Variants in CDH22 observed in about 807,000 individuals in gnomAD.
The protein encoded by CDH22 is cadherin 22, also known as cadherin-22.
In CDH22, 30 loss-of-function variants were observed where a neutral mutation model predicts 58.4. That is an observed-to-expected ratio of 0.51 (90% confidence interval 0.38 to 0.70). The LOEUF (loss-of-function observed/expected upper bound fraction) is 0.70. Ranked by LOEUF, CDH22 falls within the 30% of genes least tolerant of loss-of-function variation. CDH22 has a pLI of 0.00. For synonymous variants in CDH22, 513 were observed against 558.2 expected, an observed-to-expected ratio of 0.92 and a Z score of 1.14; for missense variants, 1,014 against 1,233.9, an observed-to-expected ratio of 0.82 and a Z score of 2.67.
At position 46,178,310 on chromosome 20, in the gene CDH22, C is replaced by T. The variant is rs1007289870; in HGVS notation, c.1664-113G>A. The T allele has an allele frequency of 6.7e-6, 8 of 1,185,752 alleles. No homozygotes were observed. In the Admixed American group the frequency reaches 1.7e-4, roughly 26 times the overall value. The allele number at this position is 1,185,752 out of a possible 1,614,324, so 73.5% of individuals were successfully genotyped here. On this transcript the variant is annotated intron_variant, in intron 10 of 11. Coordinates refer to ENST00000537909, the MANE Select transcript of CDH22 (RefSeq NM_021248.3). ...TGCCTCCCTATGCCCCAAACTACAG[C>T]CTCCCAATGGACTCATGGGTCTCTT...
At chr20:46,249,431 G>C (rs2086354263) in intron 2 of CDH22, among the ~76,000 whole-genome samples, 1 of 152,170 alleles carries the variant, frequency 6.6e-6, no homozygotes, top group African/African-American at 2.4e-5. Context: ...TCCTTGCTCA[G>C]CTTAATTGTG....
intron 10 of CDH22, among the ~76,000 whole-genome samples, chr20:46,179,705 C>T (rs1476529541): frequency 1.3e-5 from 2 of 152,216 alleles, no homozygotes; most frequent in African/African-American, 4.8e-5. Flanking sequence ...TCAGTTTACC[C>T]ATCTGTAAAC....
chr20:46,200,126 A>G, intron 7 of CDH22, among the ~76,000 whole-genome samples: 1 of 151,914 alleles, frequency 6.6e-6, no homozygotes, highest in Non-Finnish European at 1.5e-5. Context: ...GGTGCCCGCC[A>G]CCACGCCCGG....
At chr20:46,290,479 C>T (rs75364698) in intron 1 of CDH22, among the ~76,000 whole-genome samples, 1,753 of 152,294 alleles carry the variant, frequency 0.012, 38 homozygotes, top group African/African-American at 0.04. Flanking sequence ...GTTGAGAAAC[C>T]CAGCACTGGA....
intron 10 of CDH22, among the ~76,000 whole-genome samples, chr20:46,182,628 G>A (rs2085797836): frequency 6.6e-6 from 1 of 152,148 alleles, no homozygotes; most frequent in Non-Finnish European, 1.5e-5. Flanking sequence ...TGCCCTCCTG[G>A]GCAGCAGCTG....
chr20:46,302,155 G>T (rs572873452), intron 1 of CDH22, among the ~76,000 whole-genome samples: 2 of 152,286 alleles, frequency 1.3e-5, no homozygotes, highest in African/African-American at 4.8e-5. Context: ...CATATGCCAC[G>T]CTAGACCCTA....
At chr20:46,236,254 G>A (rs2086250640) in intron 3 of CDH22, among the ~76,000 whole-genome samples, 1 of 151,962 alleles carries the variant, frequency 6.6e-6, no homozygotes, top group East Asian at 1.9e-4. Flanking sequence ...AGCAATTTGT[G>A]TTTTAACAAG....
chr20:46,194,839 C>T (rs1328452820), intron 8 of CDH22, among the ~76,000 whole-genome samples: 4 of 152,156 alleles, frequency 2.6e-5, no homozygotes, highest in African/African-American at 2.4e-5. Flanking sequence ...AAGCAATTCT[C>T]CTGCCTCAGC....
intron 5 of CDH22, 39 bp from the exon 6 acceptor site, chr20:46,213,227 C>G (rs766819127): frequency 2.5e-6 from 4 of 1,575,222 alleles, no homozygotes; most frequent in Non-Finnish European, 3.5e-6. Context: ...TGAAGGCAGC[C>G]CCTTCCCCAG....
At chr20:46,253,588 T>C (rs1407899793) in intron 1 of CDH22, among the ~76,000 whole-genome samples, 1 of 152,202 alleles carries the variant, frequency 6.6e-6, no homozygotes, top group Non-Finnish European at 1.5e-5. Flanking sequence ...CCGCAAGCCC[T>C]GCTCTGTGCT....
chr20:46,178,260 C>A, intron 10 of CDH22, 63 bp from the exon 11 acceptor site: 1 of 1,562,144 alleles, frequency 6.4e-7, no homozygotes, highest in South Asian at 1.2e-5. Context: ...TTGTCCTAGC[C>A]ACCTCCTGAT....
chr20:46,246,370 T>C (rs557636813), intron 2 of CDH22, among the ~76,000 whole-genome samples: 21 of 152,240 alleles, frequency 1.4e-4, no homozygotes, highest in Non-Finnish European at 2.6e-4. Context: ...ATATCTAAAA[T>C]AGATCTCACC....
At chr20:46,239,994 A>G (rs1358735102) in intron 3 of CDH22, among the ~76,000 whole-genome samples, 1 of 152,024 alleles carries the variant, frequency 6.6e-6, no homozygotes, top group Non-Finnish European at 1.5e-5. Flanking sequence ...TTCACTTTCT[A>G]TGGGCATAAT....
Position 46,251,243 on chromosome 20 carries a change from G to A in CDH22, c.52C>T (p.Pro18Ser), listed in dbSNP as rs1413603140. ...RGLRAGVALS[P>S]ALLLLLLLPP... ...AGCAGCAGCAGCAGCAGTAGCGCGG[G>A]GGACAGCGCGACTCCCGCCCGGAGC... The change falls in exon 2 of 12, where the codon CCC becomes TCC. Residue 18 changes from proline (P) to serine (S), a missense_variant. Transcript: ENST00000537909. The surrounding 1 kb of genome is among the most constrained non-coding windows in gnomAD (Gnocchi z 6.7). 2 of 1,471,122 alleles carry A rather than the reference G, an allele frequency of 1.4e-6. No individual in the cohort carries two copies. The highest frequency in any genetic ancestry group is 1.5e-5 in the African/African-American group (1 of 67,450). The allele number at this position is 1,471,122 out of a possible 1,614,324, so 91.1% of individuals were successfully genotyped here.
chr20:46,262,645 A>G (rs1396463458), intron 1 of CDH22, among the ~76,000 whole-genome samples: 1 of 152,110 alleles, frequency 6.6e-6, no homozygotes, highest in Non-Finnish European at 1.5e-5. Flanking sequence ...CATTTTTCAG[A>G]TAAGGAAACT....
chr20:46,247,427 A>G (rs2066219488), intron 2 of CDH22, among the ~76,000 whole-genome samples: 1 of 152,146 alleles, frequency 6.6e-6, no homozygotes, highest in African/African-American at 2.4e-5. Context: ...ATTCAGAAAC[A>G]AAATTGGGTC....
intron 7 of CDH22, among the ~76,000 whole-genome samples, chr20:46,202,676 C>G (rs952891024): frequency 2.0e-5 from 3 of 152,050 alleles, no homozygotes; most frequent in East Asian, 3.9e-4. Context: ...TTAGCCTGAC[C>G]GACAGCCCAT....
intron 1 of CDH22, among the ~76,000 whole-genome samples, chr20:46,287,728 G>A (rs1003878809): frequency 1.3e-5 from 2 of 152,088 alleles, no homozygotes; most frequent in East Asian, 1.9e-4. Flanking sequence ...GAAAGCTTCC[G>A]AAGCAGAGGA....
At chr20:46,230,534 G>A (rs1199083866) in intron 3 of CDH22, among the ~76,000 whole-genome samples, 2 of 152,098 alleles carry the variant, frequency 1.3e-5, no homozygotes, top group Non-Finnish European at 2.9e-5. Flanking sequence ...AGTGAAGGGT[G>A]AAAACATGAA....
Sources: gnomAD v4.1 joint callset for allele counts (sites outside exome capture counted in the v4.1 genomes callset) on GRCh38, gnomAD v4.1.1 for gene constraint, Gnocchi (gnomAD v3.1) non-coding constraint, MANE v1.5 for transcripts, NCBI Gene and HGNC (gene_info 2026-07-23, HGNC 2026-07-21) for gene names.